Variants in ABCA4 observed in about 807,000 individuals in gnomAD.
The protein encoded by ABCA4 is retinal-specific phospholipid-transporting ATPase ABCA4.
Under a neutral mutation model 263.7 loss-of-function variants are expected in ABCA4, and 196 were observed. The ratio of observed to expected loss-of-function variants is 0.74; its 90% CI spans 0.66 to 0.84. The LOEUF (loss-of-function observed/expected upper bound fraction) is 0.84, where lower values mean the gene tolerates loss of function less well. ABCA4 is among the 40% of genes least tolerant of loss of function. ABCA4 has a pLI of 0.00. For synonymous variants in ABCA4, 1,133 were observed against 1,094.2 expected (o/e 1.04, Z -0.70); for missense variants, 2,792 against 2,855.1 (o/e 0.98, Z 0.50).
chr1:94,104,360 T>C (rs1403667007), intron 4 of ABCA4, among the ~76,000 whole-genome samples: 1 of 152,202 alleles, frequency 6.6e-6, no homozygotes, highest in African/African-American at 2.4e-5. Flanking sequence ...TCTAACTAGC[T>C]TTAACCATCA....
chr1:94,014,271 GAA>G (rs796557736), intron 38 of ABCA4, among the ~76,000 whole-genome samples: 42 of 150,822 alleles, frequency 2.8e-4, no homozygotes, highest in African/African-American at 9.5e-4. Context: ...AAGAGGAAGG[GAA>G]GGAGGGACGA....
intron 44 of ABCA4, among the ~76,000 whole-genome samples, 181 bp from the exon 45 acceptor site, chr1:94,002,173 TTCTC>T (rs1194192193): frequency 6.6e-6 from 1 of 152,178 alleles, no homozygotes; most frequent in African/African-American, 2.4e-5. Flanking sequence ...CAGGGGCTCT[TTCTC>T]TCTGTGTCTT....
chr1:94,109,454 C>A (rs1443960103), intron 3 of ABCA4, among the ~76,000 whole-genome samples: 1 of 152,234 alleles, frequency 6.6e-6, no homozygotes, highest in South Asian at 2.1e-4. Flanking sequence ...CACATGCACG[C>A]CTCTGCCAAG....
At position 94,031,906 on chromosome 1, in the gene ABCA4, G is replaced by GAGGCTGGCACTCTGGCTCTGGGGT. The variant is rs1660216238; in HGVS notation, c.3999_4000insACCCCAGAGCCAGAGTGCCAGCCT (p.Pro1333_Pro1334insThrProGluProGluCysGlnPro). On this transcript the variant is annotated inframe_insertion, in exon 27 of 50. Transcript: ENST00000370225. ...GGGCCTGGGCACTCTGGCTCTGGGG[G>GAGGCTGGCACTCTGGCTCTGGGGT]AGGCTGGCCCTCTGGGTGAGCAGCC... is the stretch of plus-strand genomic sequence containing the variant. 1.9e-6 allele frequency: 3 copies of GAGGCTGGCACTCTGGCTCTGGGGT among 1,614,066 alleles called. No homozygotes were observed. The highest frequency in any genetic ancestry group is 2.5e-6 in the Non-Finnish European group (3 of 1,180,044).
At chr1:94,067,957 A>T (rs775136070) in intron 11 of ABCA4, among the ~76,000 whole-genome samples, 3 of 152,240 alleles carry the variant, frequency 2.0e-5, no homozygotes, top group African/African-American at 4.8e-5. Context: ...TACCATTTTT[A>T]TGACTGTTTT....
intron 38 of ABCA4, 65 bp downstream of exon 38, chr1:94,014,478 G>A (rs927866683): frequency 2.6e-5 from 41 of 1,581,926 alleles, no homozygotes; most frequent in Non-Finnish European, 3.6e-5. Context: ...CCCTGGCTCT[G>A]CTCGACCAAC....
At chr1:94,118,295 A>G (rs1281216653) in intron 1 of ABCA4, among the ~76,000 whole-genome samples, 1 of 152,180 alleles carries the variant, frequency 6.6e-6, no homozygotes, top group African/African-American at 2.4e-5. Context: ...AGAGGGAGGA[A>G]AGCAGAGATC....
Position 94,031,239 on chromosome 1 carries a change from G to A in ABCA4, c.4129-119C>T, listed in dbSNP as rs74102090. The A allele has an allele frequency of 3.0e-3, 4,128 of 1,394,184 alleles. 102 individuals are homozygous for A. In the African/African-American group the frequency reaches 0.052, roughly 18 times the overall value. 86.4% of individuals were successfully genotyped at this position (1,394,184 alleles called of 1,614,324 possible). ...CCTGCAGCCTCCTAATCAGCCCCTG[G>A]TGGAGAGGGTTGGGCTTCTGGGGGA... On this transcript the variant is annotated intron_variant, in intron 27 of 49. Coordinates refer to ENST00000370225, the MANE Select transcript of ABCA4 (RefSeq NM_000350.3).
At chr1:94,019,559 A>G in intron 36 of ABCA4, 23 bp downstream of exon 36, 1 of 1,581,104 alleles carries the variant, frequency 6.3e-7, no homozygotes, top group East Asian at 2.3e-5. Context: ...GAGGGGAGGG[A>G]GGCGCTGTAA....
chr1:94,044,110 CT>C (rs1557779064), intron 20 of ABCA4, among the ~76,000 whole-genome samples: 2 of 3,550 alleles, frequency 5.6e-4, no homozygotes, highest in African/African-American at 6.0e-4. Context: ...TCCTTCCTTC[CT>C]TCCTTCCTTC....
At chr1:94,036,399 T>C (rs1660336201) in intron 26 of ABCA4, among the ~76,000 whole-genome samples, 1 of 149,894 alleles carries the variant, frequency 6.7e-6, no homozygotes, top group South Asian at 2.1e-4. Flanking sequence ...TTTTTTGAGA[T>C]GGATTTTGCT....
Position 94,046,473 on chromosome 1 carries a change from A to G in ABCA4, c.2918+446T>C, listed in dbSNP as rs112509892. ...ACTATCTCAAAAAAAAAAAAAAAAA[A>G]AAAGAAAAGAAAAGAGAAAGGAAAT... On this transcript the variant is annotated intron_variant, in intron 19 of 49. Coordinates refer to ENST00000370225, the MANE Select transcript of ABCA4 (RefSeq NM_000350.3). 2.9e-3 allele frequency among the ~76,000 whole-genome samples: 353 copies of G among 120,808 alleles called. 7 individuals are homozygous for G. Among genetic ancestry groups the G allele is most frequent in the African/African-American group, 7.2e-3 (270 of 37,570 alleles). The allele number at this position is 120,808 out of a possible 152,430, so 79.3% of individuals were successfully genotyped here.
rs375673777 is a variant in ABCA4, at chr1:94,118,709, C to T, written c.66+2271G>A. 1.1e-4 allele frequency among the ~76,000 whole-genome samples: 17 copies of T among 152,314 alleles called. No individual in the cohort carries two copies. The South Asian group carries it at 1.2e-3, about 11-fold the overall frequency. Reference sequence around the variant, plus strand: ...AGACCAGGCCCAGCCCTGGGAGGTGCCCTGGCCAAGGCCCTCAGCCCGAGT... The same window carrying T: ...AGACCAGGCCCAGCCCTGGGAGGTGTCCTGGCCAAGGCCCTCAGCCCGAGT... On this transcript the variant is annotated intron_variant, in intron 1 of 49. Transcript: ENST00000370225.
chr1:94,072,332 C>T (rs1476271260), intron 11 of ABCA4, among the ~76,000 whole-genome samples: 2 of 152,192 alleles, frequency 1.3e-5, no homozygotes, highest in Non-Finnish European at 2.9e-5. Flanking sequence ...ATGCCTTGAT[C>T]AGAGGTATTT....
At chr1:94,000,759 C>T in intron 47 of ABCA4, 77 bp downstream of exon 47, 2 of 1,479,556 alleles carry the variant, frequency 1.4e-6, no homozygotes, top group South Asian at 2.3e-5. Context: ...CAGGACTCTT[C>T]CAAGTGTCAA....
chr1:94,091,180 T>C (rs192512580), intron 6 of ABCA4, among the ~76,000 whole-genome samples: 189 of 152,320 alleles, frequency 1.2e-3, no homozygotes, highest in African/African-American at 4.3e-3. Flanking sequence ...CTTTTTTCCA[T>C]CTTGTTAATA....
At chr1:94,037,836 A>G (rs915255490) in intron 24 of ABCA4, among the ~76,000 whole-genome samples, 11 of 152,268 alleles carry the variant, frequency 7.2e-5, no homozygotes, top group African/African-American at 2.6e-4. Flanking sequence ...GCTGGCTGCT[A>G]TTATTATCCT....
At chr1:94,065,301 G>A (rs185704065) in intron 11 of ABCA4, among the ~76,000 whole-genome samples, 37 of 152,240 alleles carry the variant, frequency 2.4e-4, no homozygotes, top group African/African-American at 7.7e-4. Flanking sequence ...TAGGTTCAAC[G>A]AGTCTGAGTG....
At chr1:94,100,698 G>T (rs578107558) in intron 5 of ABCA4, among the ~76,000 whole-genome samples, 2 of 152,296 alleles carry the variant, frequency 1.3e-5, no homozygotes, top group East Asian at 1.9e-4. Context: ...GAATGGTGAG[G>T]TTCCTTCTGA....
Sources: allele counts gnomAD v4.1 joint callset (sites outside exome capture counted in the v4.1 genomes callset), GRCh38; gene constraint gnomAD v4.1.1; transcripts MANE v1.5; gene names NCBI Gene and HGNC (gene_info 2026-07-23, HGNC 2026-07-21).